COL4A2: variants seen among roughly 807,000 people sequenced by gnomAD.
COL4A2 encodes collagen type IV alpha 2 chain, also known as collagen alpha-2(IV) chain.
A neutral mutation model predicts 200.2 loss-of-function variants in COL4A2; 99 were observed. The observed-to-expected ratio is 0.49, with a 90% CI of 0.42 to 0.58. The LOEUF (loss-of-function observed/expected upper bound fraction) is 0.58, where lower values mean the gene tolerates loss of function less well. Among genes scored for constraint, COL4A2 ranks in the 20% least tolerant of loss-of-function variants. The pLI is 0.00. For missense variants in COL4A2, 1,950 were observed against 2,314.1 expected (o/e 0.84, Z 3.23); for synonymous variants, 897 against 900.6 (o/e 1.00, Z 0.07).
intron 41 of COL4A2, 61 bp from the exon 42 acceptor site, chr13:110,503,050 GTGCACCTGAC>G (rs1329962265): frequency 1.4e-5 from 20 of 1,432,286 alleles, no homozygotes; most frequent in Non-Finnish European, 1.7e-5. Context: ...ATGGGTGACG[GTGCACCTGAC>G]TGCCCCCAGG....
At chr13:110,334,038 G>A (rs1371201117) in intron 3 of COL4A2, among the ~76,000 whole-genome samples, 4 of 152,192 alleles carry the variant, frequency 2.6e-5, no homozygotes, top group Non-Finnish European at 4.4e-5. Context: ...TGCTGAGTTC[G>A]GCTGGATGGC....
intron 4 of COL4A2, among the ~76,000 whole-genome samples, chr13:110,399,789 A>G (rs1481900886): frequency 6.6e-6 from 1 of 152,242 alleles, no homozygotes; most frequent in African/African-American, 2.4e-5. Flanking sequence ...TGGCAGGAAT[A>G]TGATAGGCCA....
intron 4 of COL4A2, among the ~76,000 whole-genome samples, chr13:110,401,175 G>C (rs1879358755): frequency 6.6e-6 from 1 of 152,182 alleles, no homozygotes; most frequent in African/African-American, 2.4e-5. Context: ...TCTGTTAATT[G>C]GGAGGTGGGG....
chr13:110,511,821 A>C lies in COL4A2; in HGVS notation c.4882-113A>C, dbSNP rs1884090464. On this transcript the variant is annotated intron_variant, in intron 47 of 47. Transcript: ENST00000360467. ...GAGGATGCCTCATGTCCGTATTGAC[A>C]CTCATGGTTTGCTGTTCAGTAAAAA... The C allele has an allele frequency of 8.5e-6, 13 of 1,524,782 alleles. No individual in the cohort carries two copies. The South Asian group carries it at 1.5e-4, about 18-fold the overall frequency. 94.5% of individuals were successfully genotyped at this position (1,524,782 alleles called of 1,614,324 possible). A position where few individuals can be genotyped will look rare whatever the true frequency, so the allele number is the denominator to read the frequency against.
intron 3 of COL4A2, among the ~76,000 whole-genome samples, chr13:110,350,898 A>G (rs1876926972): frequency 6.6e-6 from 1 of 152,110 alleles, no homozygotes; most frequent in Non-Finnish European, 1.5e-5. Flanking sequence ...CTTTGTGTCT[A>G]AGTCCCTGCC....
intron 40 of COL4A2, among the ~76,000 whole-genome samples, chr13:110,500,963 G>A (rs1883617065): frequency 1.3e-5 from 2 of 152,190 alleles, no homozygotes; most frequent in African/African-American, 4.8e-5. Context: ...ACAAAAATGT[G>A]GAAAACAGGG....
chr13:110,431,017 A>T, intron 10 of COL4A2: 1 of 398,612 alleles, frequency 2.5e-6, no homozygotes, highest in South Asian at 1.9e-5. Context: ...TGGGCTCATT[A>T]CAGCAGGTGA....
chr13:110,421,480 G>A (rs565349444), intron 4 of COL4A2, among the ~76,000 whole-genome samples: 117 of 152,338 alleles, frequency 7.7e-4, no homozygotes, highest in Non-Finnish European at 1.4e-3. Flanking sequence ...GACACAAAAA[G>A]TCACACATCG....
intron 40 of COL4A2, among the ~76,000 whole-genome samples, chr13:110,498,777 G>A (rs1373710819): frequency 3.3e-5 from 5 of 152,186 alleles, no homozygotes; most frequent in Non-Finnish European, 7.3e-5. Context: ...AACATTGATG[G>A]CCTTATTACA....
intron 4 of COL4A2, among the ~76,000 whole-genome samples, chr13:110,385,729 A>G (rs368733417): frequency 0.036 from 1,022 of 28,316 alleles, 141 homozygotes; most frequent in Non-Finnish European, 0.042. Flanking sequence ...GTGTGTGGAT[A>G]GGCCGTGGTT....
chr13:110,397,084 G>T (rs1258968885), intron 4 of COL4A2, among the ~76,000 whole-genome samples: 1 of 152,168 alleles, frequency 6.6e-6, no homozygotes, highest in Non-Finnish European at 1.5e-5. Flanking sequence ...GCCCGAGCAG[G>T]CCTGCCAAGA....
At chr13:110,474,684 T>G in intron 29 of COL4A2, among the ~76,000 whole-genome samples, 1 of 121,246 alleles carries the variant, frequency 8.2e-6, no homozygotes, top group Admixed American at 8.5e-5. Context: ...CTTACACACG[T>G]ACCCACACAC....
At chr13:110,351,966 C>G (rs2139381824) in intron 3 of COL4A2, among the ~76,000 whole-genome samples, 1 of 152,256 alleles carries the variant, frequency 6.6e-6, no homozygotes, top group East Asian at 1.9e-4. Context: ...TGAAAAGCGG[C>G]ACTAGATTGA....
At chr13:110,436,409 A>C (rs770987467) in intron 13 of COL4A2, 42 bp downstream of exon 13, 1 of 1,594,574 alleles carries the variant, frequency 6.3e-7, no homozygotes, top group East Asian at 2.2e-5. Flanking sequence ...GAAATAAAAA[A>C]AGGAGAGTAA....
chr13:110,487,644 C>T (rs1883157367), intron 34 of COL4A2, among the ~76,000 whole-genome samples: 1 of 152,202 alleles, frequency 6.6e-6, no homozygotes, highest in Admixed American at 6.5e-5. Flanking sequence ...CCATACACAG[C>T]AATAAATGAG....
At chr13:110,432,666 G>A (rs935434520) in intron 11 of COL4A2, among the ~76,000 whole-genome samples, 1 of 152,152 alleles carries the variant, frequency 6.6e-6, no homozygotes, top group Non-Finnish European at 1.5e-5. Context: ...AACAATTTAG[G>A]GACAGTTCAC....
chr13:110,385,092 G>A lies in COL4A2; in HGVS notation c.180+27540G>A, dbSNP rs1878634213. On this transcript the variant is annotated intron_variant, in intron 4 of 47. Transcript: ENST00000360467. The stretch of plus-strand genomic sequence containing the variant: ...GTCTTGGCTAACACGGTAAAACACT[G>A]TCTACTAAAAATAGAAAAAATTAGC... Among the ~76,000 whole-genome samples, 3 of 152,020 alleles carry A rather than the reference G, an allele frequency of 2.0e-5. No individual in the cohort carries two copies. In the South Asian group the frequency reaches 6.2e-4, roughly 32 times the overall value.
intron 4 of COL4A2, among the ~76,000 whole-genome samples, chr13:110,369,306 C>T (rs764824935): frequency 3.9e-5 from 6 of 152,258 alleles, no homozygotes; most frequent in Non-Finnish European, 8.8e-5. Context: ...CTGAAGGGCT[C>T]CAAAATCAGA....
intron 11 of COL4A2, among the ~76,000 whole-genome samples, chr13:110,433,603 C>T (rs1271078620): frequency 6.6e-6 from 1 of 152,130 alleles, no homozygotes; most frequent in African/African-American, 2.4e-5. Flanking sequence ...TTGGAGGGGG[C>T]GGACGGTAGA....
Sources: allele counts gnomAD v4.1 joint callset (sites outside exome capture counted in the v4.1 genomes callset), GRCh38; gene constraint gnomAD v4.1.1; transcripts MANE v1.5; gene names NCBI Gene and HGNC (gene_info 2026-07-23, HGNC 2026-07-21).